The following ALG13 variants were observed in gnomAD, a reference collection of about 807,000 sequenced individuals.
The protein encoded by ALG13 is UDP-N-acetylglucosamine transferase subunit ALG13.
Under a neutral mutation model 87.8 loss-of-function variants are expected in ALG13, and 11 were observed. The ratio of observed to expected loss-of-function variants is 0.13; its 90% CI spans 0.08 to 0.21. The LOEUF (loss-of-function observed/expected upper bound fraction) is 0.21, where lower values mean the gene tolerates loss of function less well. Ranked by LOEUF, ALG13 falls within the 10% of genes least tolerant of loss-of-function variation. The pLI, the probability that ALG13 is intolerant of heterozygous loss-of-function variation, is 1.00. For synonymous variants in ALG13, 320 were observed against 306.3 expected (o/e 1.04, Z -0.47); for missense variants, 756 against 866.1 (o/e 0.87, Z 1.60).
chrX:111,711,546 G>C (rs1309844255), intron 5 of ALG13, 129 bp from the exon 6 acceptor site: 4 of 537,473 alleles, frequency 7.4e-6, no homozygotes, highest in Non-Finnish European at 1.2e-5. Flanking sequence ...TTGAGGTGCT[G>C]TGCAAAGTAG....
intron 3 of ALG13, among the ~76,000 whole-genome samples, chrX:111,694,560 CTG>C (rs1163069736): frequency 8.9e-6 from 1 of 111,794 alleles, no homozygotes; most frequent in Non-Finnish European, 1.9e-5. Flanking sequence ...CTATAATAGA[CTG>C]GTGAAGAAAT....
chrX:111,717,720 C>T (rs772244592), intron 8 of ALG13, 126 bp from the exon 9 acceptor site: 26 of 445,896 alleles, frequency 5.8e-5, no homozygotes, highest in African/African-American at 4.2e-4. Flanking sequence ...TTAAAAATCA[C>T]TTTAAAAAAA....
intron 24 of ALG13, among the ~76,000 whole-genome samples, chrX:111,750,357 A>G (rs191727988): frequency 4.1e-4 from 46 of 111,844 alleles, no homozygotes; most frequent in Admixed American, 2.9e-3. Context: ...TTCTCTAAGC[A>G]TACTATTTTC....
At chrX:111,708,504 C>T (rs1226035145) in intron 4 of ALG13, 111 bp downstream of exon 4, 9 of 954,618 alleles carry the variant, frequency 9.4e-6, no homozygotes, top group Non-Finnish European at 8.6e-6. Context: ...CTAGTGAAAA[C>T]ATCGGGCCTG....
At chrX:111,733,601 A>G (rs1436736928) in intron 21 of ALG13, among the ~76,000 whole-genome samples, 1 of 111,698 alleles carries the variant, frequency 9.0e-6, no homozygotes, top group Non-Finnish European at 1.9e-5. Context: ...CTATAAACAT[A>G]TATGTGCTAG....
At chrX:111,705,325 G>A (rs1938538477) in intron 3 of ALG13, among the ~76,000 whole-genome samples, 1 of 111,373 alleles carries the variant, frequency 9.0e-6, no homozygotes, top group African/African-American at 3.3e-5. Flanking sequence ...TAAGAAATTG[G>A]ATTTTTTTTA....
intron 23 of ALG13, among the ~76,000 whole-genome samples, chrX:111,743,408 C>T (rs754046654): frequency 4.5e-5 from 5 of 111,863 alleles, no homozygotes; most frequent in Non-Finnish European, 9.4e-5. Context: ...GTTGAGCAAG[C>T]TTTAAAAACT....
At chrX:111,731,841 A>T (rs184614748) in intron 21 of ALG13, among the ~76,000 whole-genome samples, 22 of 112,095 alleles carry the variant, frequency 2.0e-4, no homozygotes, top group Non-Finnish European at 3.2e-4. Flanking sequence ...TTTATCAGGC[A>T]CTGATGGAAG....
At chrX:111,714,572 C>G (rs1460262686) in intron 8 of ALG13, among the ~76,000 whole-genome samples, 5 of 110,557 alleles carry the variant, frequency 4.5e-5, no homozygotes, top group Non-Finnish European at 9.5e-5. Flanking sequence ...CAGGCCATGC[C>G]AAATAATTTG....
At position 111,708,226 on chromosome X, in the gene ALG13, C is replaced by T; in HGVS notation, c.583C>T (p.Leu195Phe). 1 of 1,211,474 alleles carries T rather than the reference C, an allele frequency of 8.3e-7. No homozygotes were observed. Reference protein sequence around the residue: ...LFPSCHAFFPLPLTPTLYKMH... With the variant: ...LFPSCHAFFPFPLTPTLYKMH... ...TCCCTCTTGCCACGCTTTTTTTCCT[C>T]TCCCTCTTACCCCCACCCTGTACAA... The change falls in exon 4 of 27, where the codon CTC becomes TTC. Residue 195 changes from leucine to phenylalanine, a missense_variant. Physicochemically the swap from Leu to Phe is conservative, Grantham distance 22. Coordinates refer to ENST00000394780, the MANE Select transcript of ALG13 (RefSeq NM_001099922.3).
chrX:111,720,074 G>A, intron 10 of ALG13, 21 bp from the exon 11 acceptor site: 4 of 1,122,249 alleles, frequency 3.6e-6, no homozygotes, highest in Non-Finnish European at 3.6e-6. Context: ...AAAGCTCTTT[G>A]CTCTAAATCT....
chrX:111,711,762 T>C, intron 6 of ALG13, 37 bp downstream of exon 6: 1 of 1,134,543 alleles, frequency 8.8e-7, no homozygotes, highest in Non-Finnish European at 1.2e-6. Flanking sequence ...TTTTCAGAGT[T>C]ATTTGGAATA....
intron 23 of ALG13, among the ~76,000 whole-genome samples, chrX:111,737,243 G>C (rs1317499868): frequency 8.9e-6 from 1 of 111,793 alleles, no homozygotes; most frequent in Non-Finnish European, 1.9e-5. Flanking sequence ...ACGTTCCTTT[G>C]TAATGAATAA....
chrX:111,747,836 A>G (rs1249587195), intron 24 of ALG13, among the ~76,000 whole-genome samples: 3 of 111,884 alleles, frequency 2.7e-5, no homozygotes, highest in Admixed American at 1.9e-4. Context: ...CAATTGCTCT[A>G]TTGAGTAAGA....
At chrX:111,724,258 A>G (rs939605554) in intron 14 of ALG13, among the ~76,000 whole-genome samples, 2 of 111,994 alleles carry the variant, frequency 1.8e-5, no homozygotes, top group African/African-American at 6.5e-5. Flanking sequence ...CATGCACCAG[A>G]ATTACCTGGA....
chrX:111,692,292 G>C (rs967394729), intron 3 of ALG13, among the ~76,000 whole-genome samples: 1 of 111,693 alleles, frequency 9.0e-6, no homozygotes. Context: ...TAATATAAAT[G>C]CATAATGAGA....
chrX:111,722,742 T>G, intron 12 of ALG13, 51 bp from the exon 13 acceptor site: 3 of 883,905 alleles, frequency 3.4e-6, no homozygotes, highest in Non-Finnish European at 3.3e-6. Context: ...TTAAATGATA[T>G]AGGAAAGGAA....
chrX:111,757,625 T>C lies in ALG13; in HGVS notation c.3011T>C (p.Val1004Ala), dbSNP rs1945385031. Residue 1004 changes from valine (V) to alanine (A), a missense_variant, in exon 26 of 27, where the codon GTG (valine) becomes GCG (alanine). Transcript: ENST00000394780. ...YHSYWHSMVYVPQMQQQLHVE... is the reference protein window; with the variant it reads ...YHSYWHSMVYAPQMQQQLHVE... ...AGCTACTGGCACTCCATGGTCTATGTGCCACAGATGCAGCAGCAGCTTCAT... is the reference window on the plus strand; with the variant it reads ...AGCTACTGGCACTCCATGGTCTATGCGCCACAGATGCAGCAGCAGCTTCAT... 8.3e-7 allele frequency: 1 copy of C among 1,209,224 alleles called. No individual in the cohort carries two copies. Among genetic ancestry groups the C allele is most frequent in the East Asian group, 3.0e-5 (1 of 33,728 alleles).
chrX:111,754,639 A>G (rs1482016895), intron 25 of ALG13, among the ~76,000 whole-genome samples: 1 of 111,699 alleles, frequency 9.0e-6, no homozygotes, highest in Non-Finnish European at 1.9e-5. Flanking sequence ...CTATACACCA[A>G]TAATAGCCAA....
Sources: allele counts gnomAD v4.1 joint callset (sites outside exome capture counted in the v4.1 genomes callset), GRCh38; gene constraint gnomAD v4.1.1; transcripts MANE v1.5; gene names NCBI Gene and HGNC (gene_info 2026-07-23, HGNC 2026-07-21).